The following GPR161 variants were observed in gnomAD, a reference collection of about 807,000 sequenced individuals.
GPR161 encodes G protein-coupled receptor 161.
GPR161 carries 25 observed loss-of-function variants against 39.2 expected under a neutral mutation model. The observed-to-expected ratio is 0.64, with a 90% CI of 0.47 to 0.89. GPR161 has a LOEUF of 0.89. Among genes scored for constraint, GPR161 ranks in the 40% least tolerant of loss-of-function variants. GPR161 has a pLI of 0.00. For synonymous variants in GPR161, 286 were observed against 276.6 expected, an observed-to-expected ratio of 1.03 and a Z score of -0.34; for missense variants, 547 against 677.8, an observed-to-expected ratio of 0.81 and a Z score of 2.14.
chr1:168,125,908 A>G (rs11800526), intron 1 of GPR161, among the ~76,000 whole-genome samples: 40,150 of 151,886 alleles, frequency 0.26, 5,806 homozygotes, highest in African/African-American at 0.38. Context: ...GAGCCACCGC[A>G]CCCGGCCCTA....
intron 1 of GPR161, among the ~76,000 whole-genome samples, chr1:168,111,450 A>G (rs1697158285): frequency 6.6e-6 from 1 of 152,200 alleles, no homozygotes; most frequent in Non-Finnish European, 1.5e-5. Context: ...ATTTTTGGGT[A>G]AAGCTGCTTT....
Position 168,084,789 on chromosome 1 carries a change from T to C in GPR161, c.*742A>G. On this transcript the variant is annotated 3_prime_UTR_variant, in exon 6 of 6. Transcript: ENST00000682931. ...TGGATTTTTTTTTTAATTCTGGAAA[T>C]GAAACACCTAGTACCTGCCCTTCCT... 2.2e-6 allele frequency: 1 copy of C among 452,940 alleles called. No homozygotes were observed. The highest frequency in any genetic ancestry group is 1.6e-5 in the South Asian group (1 of 63,916). The allele number at this position is 452,940 out of a possible 1,614,324, so 28.1% of individuals were successfully genotyped here.
rs552489688 is a variant in GPR161, at chr1:168,116,448, C to T, written c.-44-11554G>A. On this transcript the variant is annotated intron_variant, in intron 1 of 5. Transcript: ENST00000682931. Reference sequence around the variant, plus strand: ...TCAGCACCTCAAAGCACTTTACACACATCAGTCACTAACTGGGGCGGGGTG... The same window carrying T: ...TCAGCACCTCAAAGCACTTTACACATATCAGTCACTAACTGGGGCGGGGTG... Among the ~76,000 whole-genome samples the T allele has an allele frequency of 2.0e-5, 3 of 152,280 alleles. No individual in the cohort carries two copies. The South Asian group carries it at 6.2e-4, about 32-fold the overall frequency.
chr1:168,082,091 A>G lies in GPR161; in HGVS notation c.*3440T>C, dbSNP rs1694113503. ...TGTCTCAACCCAAATTCCTTAGCCT[A>G]TCTATTGCAAATATTTAGTCTCATT... On this transcript the variant is annotated 3_prime_UTR_variant, in exon 6 of 6. Coordinates refer to ENST00000682931, the MANE Select transcript of GPR161 (RefSeq NM_001375883.1). The G allele has an allele frequency of 6.6e-6, 1 of 152,224 alleles. No homozygotes were observed. The highest frequency in any genetic ancestry group is 2.4e-5 in the African/African-American group (1 of 41,454). 9.4% of individuals were successfully genotyped at this position (152,224 alleles called of 1,614,324 possible).
intron 1 of GPR161, among the ~76,000 whole-genome samples, chr1:168,123,964 A>G (rs962491878): frequency 6.6e-6 from 1 of 152,244 alleles, no homozygotes; most frequent in African/African-American, 2.4e-5. Flanking sequence ...TTGCCTTCGC[A>G]TGTTGTAAAA....
upstream of GPR161, chr1:168,137,534 G>A: frequency 2.7e-6 from 2 of 747,070 alleles, no homozygotes; most frequent in Non-Finnish European, 4.6e-6. Flanking sequence ...TCACACTGCT[G>A]CCCTGCACTC....
rs777402407 is a variant in GPR161, at chr1:168,096,732, G to A, written c.875C>T (p.Ser292Phe). Reference sequence around the variant, plus strand: ...GGAGCTTTTCCCCCAGAGGGCCTCAGAGGCGATGACAACCATGTAGGGGCC... The same window carrying A: ...GGAGCTTTTCCCCCAGAGGGCCTCAAAGGCGATGACAACCATGTAGGGGCC... ...TWGPYMVVIA[S>F]EALWGKSSVS... is the part of the protein sequence containing the mutation. Residue 292 changes from serine to phenylalanine, a missense_variant, in exon 3 of 6, where the codon TCT becomes TTT. Transcript: ENST00000682931. 17 of 1,614,120 alleles carry A rather than the reference G, an allele frequency of 1.1e-5. No individual in the cohort carries two copies. Among genetic ancestry groups the A allele is most frequent in the Non-Finnish European group, 1.4e-5 (17 of 1,180,034 alleles).
chr1:168,086,416 A>G (rs555680646), intron 5 of GPR161, among the ~76,000 whole-genome samples: 2 of 152,146 alleles, frequency 1.3e-5, no homozygotes, highest in African/African-American at 4.8e-5. Flanking sequence ...CTCATTGCCT[A>G]TTTTCTCTGG....
chr1:168,123,537 TACACACACACACACACACACACACACAC>T (rs10534836), intron 1 of GPR161, among the ~76,000 whole-genome samples: 2 of 138,120 alleles, frequency 1.4e-5, no homozygotes, highest in African/African-American at 5.4e-5. Flanking sequence ...TGCACATACA[TACACACACACACACACACACACACACAC>T]ACACACACAC....
intron 4 of GPR161, chr1:168,090,358 T>G: frequency 4.1e-6 from 2 of 486,882 alleles, no homozygotes; most frequent in East Asian, 3.2e-5. Flanking sequence ...GACAGCCCCA[T>G]TTTGTAGAGG....
Position 168,136,889 on chromosome 1 carries a change from G to T in GPR161, c.-195C>A, listed in dbSNP as rs1699424740. 1.0e-6 allele frequency: 1 copy of T among 981,140 alleles called. No individual in the cohort carries two copies. Among genetic ancestry groups the T allele is most frequent in the Admixed American group, 6.3e-5 (1 of 15,962 alleles). The allele number at this position is 981,140 out of a possible 1,614,324, so 60.8% of individuals were successfully genotyped here. On this transcript the variant is annotated 5_prime_UTR_variant, in exon 1 of 6. Transcript: ENST00000682931. Reference sequence around the variant, plus strand: ...GAGCCCCGCTTCGCTCCTCCCGCGGGCCAGCCACCAGCACGCGGACCCGGG... The same window carrying T: ...GAGCCCCGCTTCGCTCCTCCCGCGGTCCAGCCACCAGCACGCGGACCCGGG...
intron 1 of GPR161, among the ~76,000 whole-genome samples, chr1:168,116,693 G>A (rs750335008): frequency 1.3e-5 from 2 of 152,196 alleles, no homozygotes; most frequent in Admixed American, 6.5e-5. Context: ...GCACTCACCT[G>A]AAAGTTGCCC....
At chr1:168,125,104 T>C (rs193186707) in intron 1 of GPR161, among the ~76,000 whole-genome samples, 1 of 152,368 alleles carries the variant, frequency 6.6e-6, no homozygotes, top group Non-Finnish European at 1.5e-5. Context: ...TCTCCGTAAT[T>C]TCTTTCAACT....
chr1:168,105,481 C>T (rs1347613541), intron 1 of GPR161, among the ~76,000 whole-genome samples: 1 of 152,184 alleles, frequency 6.6e-6, no homozygotes, highest in African/African-American at 2.4e-5. Flanking sequence ...TTTAGCCCAC[C>T]GCCAGTCAGT....
At chr1:168,132,101 C>A (rs1411760659) in intron 1 of GPR161, among the ~76,000 whole-genome samples, 1 of 152,054 alleles carries the variant, frequency 6.6e-6, no homozygotes, top group Non-Finnish European at 1.5e-5. Flanking sequence ...CCCTTCTCTA[C>A]TAAAAATACA....
rs1696417239 is a variant in GPR161 at position 168,104,586 on chromosome 1, T to A, written c.265A>T (p.Ile89Phe). Residue 89 changes from isoleucine (I) to phenylalanine (F), a missense_variant, in exon 2 of 6, where the codon ATC (isoleucine) becomes TTC (phenylalanine). Ile to Phe is a conservative substitution (Grantham distance 21). Transcript: ENST00000682931. ...ACACCAAAGATCCATTCCCTGCGGA[T>A]GGAGCTCGTCACCACAAAAGGCAGC... ...LVLPFVVTSS[I>F]RREWIFGVVW... 6.2e-7 allele frequency: 1 copy of A among 1,613,926 alleles called. No homozygotes were observed. Among genetic ancestry groups the A allele is most frequent in the African/African-American group, 1.3e-5 (1 of 75,004 alleles).
Position 168,090,666 on chromosome 1 carries a change from G to C in GPR161, c.1102C>G (p.Leu368Val). The change falls in exon 4 of 6, where the codon CTG becomes GTG. Residue 368 changes from leucine to valine, a missense_variant and splice_region_variant. Coordinates refer to ENST00000682931, the MANE Select transcript of GPR161 (RefSeq NM_001375883.1). Reference sequence around the variant, plus strand: ...GCAGTGAGGTGTGGGGACAGGCCCAGGTCTGAAAGACAAAATTGGCATTGA... The same window carrying C: ...GCAGTGAGGTGTGGGGACAGGCCCACGTCTGAAAGACAAAATTGGCATTGA... ...LFSISNRITD[L>V]GLSPHLTALM... 6.3e-7 allele frequency: 1 copy of C among 1,592,808 alleles called. No homozygotes were observed.
chr1:168,092,965 G>C (rs1695209165), intron 3 of GPR161, among the ~76,000 whole-genome samples: 1 of 152,136 alleles, frequency 6.6e-6, no homozygotes, highest in South Asian at 2.1e-4. Flanking sequence ...CCCTGGCTGG[G>C]GAGAGGGGTG....
intron 1 of GPR161, among the ~76,000 whole-genome samples, chr1:168,122,648 C>T (rs958561182): frequency 6.6e-6 from 1 of 152,184 alleles, no homozygotes; most frequent in African/African-American, 2.4e-5. Context: ...AGCCTCCTCA[C>T]TATTTCTGAA....
Sources: gnomAD v4.1 joint callset for allele counts (sites outside exome capture counted in the v4.1 genomes callset) on GRCh38, gnomAD v4.1.1 for gene constraint, MANE v1.5 for transcripts, NCBI Gene and HGNC (gene_info 2026-07-23, HGNC 2026-07-21) for gene names.